The following JAK1 variants were observed in gnomAD, a reference collection of about 807,000 sequenced individuals.
JAK1 encodes tyrosine-protein kinase JAK1.
Under a neutral mutation model 136.6 loss-of-function variants are expected in JAK1, and 16 were observed. The ratio of observed to expected loss-of-function variants is 0.12; its 90% CI spans 0.08 to 0.18. The LOEUF is 0.18. JAK1 is among the 10% of genes least tolerant of loss of function. The pLI is 1.00. For missense variants in JAK1, 859 were observed against 1,450.1 expected (o/e 0.59, Z 6.62); for synonymous variants, 492 against 519.5 (o/e 0.95, Z 0.72).
intron 12 of JAK1, among the ~76,000 whole-genome samples, chr1:64,849,140 T>C (rs1290556094): frequency 1.3e-5 from 2 of 152,170 alleles, no homozygotes; most frequent in Non-Finnish European, 2.9e-5. Flanking sequence ...CCTCTGATGC[T>C]GTTCCCTCCA....
intron 2 of JAK1, among the ~76,000 whole-genome samples, chr1:65,032,630 G>A (rs1396349628): frequency 6.6e-6 from 1 of 152,182 alleles, no homozygotes; most frequent in Non-Finnish European, 1.5e-5. Flanking sequence ...TTCCATACGT[G>A]AATCCTGAGG....
Position 64,839,145 on chromosome 1 carries a change from CAA to C in JAK1, c.2842+456_2842+457del, listed in dbSNP as rs56058898. On this transcript the variant is annotated intron_variant, in intron 20 of 24. Coordinates refer to ENST00000342505, the MANE Select transcript of JAK1 (RefSeq NM_002227.4). ...TGGGCCACAGAGCGAGACTCCGTCTCAAAAAAAAAAAAAAAAAAAAAAAAATT... is the reference window on the plus strand; with the variant it reads ...TGGGCCACAGAGCGAGACTCCGTCTCAAAAAAAAAAAAAAAAAAAAAAATT... 7.2e-3 allele frequency among the ~76,000 whole-genome samples: 428 copies of C among 59,834 alleles called. 1 individual carries two copies. The highest frequency in any genetic ancestry group is 0.022 in the African/African-American group (380 of 17,332). The allele number at this position is 59,834 out of a possible 152,430, so 39.3% of individuals were successfully genotyped here.
At chr1:65,065,778 A>G (rs1026805612) in intron 1 of JAK1, among the ~76,000 whole-genome samples, 4 of 150,986 alleles carry the variant, frequency 2.6e-5, no homozygotes, top group Non-Finnish European at 5.9e-5. Context: ...CTCTGGGTTA[A>G]GCTTAAGGGG....
chr1:64,848,792 C>T (rs1655404450), intron 12 of JAK1, among the ~76,000 whole-genome samples: 1 of 152,132 alleles, frequency 6.6e-6, no homozygotes. Context: ...AAGGGACTGT[C>T]ACTGATACCT....
At chr1:64,983,100 G>A (rs984094837) in intron 2 of JAK1, among the ~76,000 whole-genome samples, 6 of 152,164 alleles carry the variant, frequency 3.9e-5, no homozygotes, top group Non-Finnish European at 8.8e-5. Flanking sequence ...TCTGAGATGT[G>A]TAAGCACCAA....
chr1:65,011,075 T>C (rs1646844836), intron 2 of JAK1, among the ~76,000 whole-genome samples: 1 of 152,228 alleles, frequency 6.6e-6, no homozygotes, highest in African/African-American at 2.4e-5. Flanking sequence ...CATTTTCATG[T>C]ATATGATCTT....
At chr1:64,934,601 GCT>G (rs1302071606) in intron 1 of JAK1, among the ~76,000 whole-genome samples, 3 of 152,298 alleles carry the variant, frequency 2.0e-5, no homozygotes, top group Admixed American at 1.3e-4. Context: ...TGTTCCCAAG[GCT>G]CTGTCTGCCT....
intron 2 of JAK1, among the ~76,000 whole-genome samples, chr1:64,999,336 T>C (rs17127207): frequency 0.17 from 25,577 of 152,170 alleles, 2,950 homozygotes; most frequent in African/African-American, 0.31. Context: ...AACACATACC[T>C]GGGCACCTTG....
chr1:64,927,024 T>C (rs1171133982), intron 1 of JAK1, among the ~76,000 whole-genome samples: 1 of 152,218 alleles, frequency 6.6e-6, no homozygotes, highest in Non-Finnish European at 1.5e-5. Context: ...CCCAAGTCCA[T>C]ATTTTTATGT....
chr1:64,886,220 A>T (rs376249002), intron 2 of JAK1, 39 bp downstream of exon 2: 1 of 1,341,118 alleles, frequency 7.5e-7, no homozygotes, highest in Non-Finnish European at 1.1e-6. Flanking sequence ...TTTTAAAGCC[A>T]GATATTTTCC....
At chr1:64,852,104 T>C (rs960540285) in intron 11 of JAK1, among the ~76,000 whole-genome samples, 1 of 152,246 alleles carries the variant, frequency 6.6e-6, no homozygotes, top group Admixed American at 6.5e-5. Flanking sequence ...TCCTTTCTAA[T>C]TTTTTAAGCT....
intron 2 of JAK1, among the ~76,000 whole-genome samples, chr1:64,977,558 C>T (rs376255123): frequency 9.6e-4 from 146 of 151,576 alleles, no homozygotes; most frequent in African/African-American, 3.0e-3. Flanking sequence ...AGCCTCCCGA[C>T]TAGGTGGGAC....
At chr1:64,999,998 T>G (rs1043805702) in intron 2 of JAK1, among the ~76,000 whole-genome samples, 2 of 151,416 alleles carry the variant, frequency 1.3e-5, no homozygotes, top group Admixed American at 6.6e-5. Context: ...CATAAGTTTT[T>G]TTTTTTTTTT....
intron 15 of JAK1, 113 bp from the exon 16 acceptor site, chr1:64,845,002 G>C: frequency 1.4e-6 from 2 of 1,390,256 alleles, no homozygotes; most frequent in Non-Finnish European, 2.0e-6. Flanking sequence ...GATCTGGACA[G>C]CCTGGCCCTG....
intron 2 of JAK1, among the ~76,000 whole-genome samples, chr1:65,038,994 G>A (rs777412969): frequency 9.4e-5 from 14 of 149,474 alleles, no homozygotes; most frequent in Non-Finnish European, 2.1e-4. Flanking sequence ...ACAGGATCTC[G>A]CTATGCTGCC....
intron 17 of JAK1, 78 bp from the exon 18 acceptor site, chr1:64,841,679 C>G: frequency 7.0e-7 from 1 of 1,429,442 alleles, no homozygotes; most frequent in African/African-American, 1.4e-5. Context: ...GGTGGAATTG[C>G]CAATTCCTCA....
intron 1 of JAK1, among the ~76,000 whole-genome samples, chr1:64,934,563 C>A (rs913580151): frequency 1.3e-5 from 2 of 152,196 alleles, no homozygotes; most frequent in Non-Finnish European, 2.9e-5. Context: ...GGGTTGTGGA[C>A]CCACAAGAGT....
chr1:64,875,183 C>T (rs1272382660), intron 4 of JAK1, among the ~76,000 whole-genome samples: 2 of 152,184 alleles, frequency 1.3e-5, no homozygotes, highest in East Asian at 1.9e-4. Context: ...GCCGAGGAGA[C>T]AGGTCGCCCT....
intron 2 of JAK1, among the ~76,000 whole-genome samples, chr1:64,883,849 A>AT (rs1644813156): frequency 1.3e-5 from 2 of 152,164 alleles, no homozygotes. Flanking sequence ...TAAAGGACTG[A>AT]TTATTAGTTA....
Sources: allele counts gnomAD v4.1 joint callset (sites outside exome capture counted in the v4.1 genomes callset), GRCh38; gene constraint gnomAD v4.1.1; transcripts MANE v1.5; gene names NCBI Gene and HGNC (gene_info 2026-07-23, HGNC 2026-07-21).